The following ASGR1 variants were observed in gnomAD, a reference collection of about 807,000 sequenced individuals.
The protein encoded by ASGR1 is asialoglycoprotein receptor 1.
In ASGR1, 35 loss-of-function variants were observed where a neutral mutation model predicts 33.1. That is an observed-to-expected ratio of 1.06 (90% confidence interval 0.81 to 1.40). The LOEUF is 1.40. Among genes scored for constraint, ASGR1 ranks in the 40% most tolerant of loss-of-function variants. The probability of loss-of-function intolerance (pLI) is 0.00; values close to 1 mark genes in which losing one functional copy is unlikely to be tolerated. For missense variants in ASGR1, 396 were observed against 373.7 expected, an observed-to-expected ratio of 1.06 and a Z score of -0.49; for synonymous variants, 142 against 152.5, an observed-to-expected ratio of 0.93 and a Z score of 0.51.
rs759985795 is a variant in ASGR1 at position 7,176,967 on chromosome 17, C to T, written c.283+14G>A. The T allele has an allele frequency of 1.6e-5, 26 of 1,604,034 alleles. No individual in the cohort carries two copies. In the Admixed American group the frequency reaches 4.4e-4, roughly 27 times the overall value. On this transcript the variant is annotated intron_variant, in intron 4 of 8. Transcript: ENST00000269299. ...GCCCCAGCCCCAGCCCCAGCCCCGC[C>T]CCAGCGCCCTCACCCTGGGTGCTCA...
intron 2 of ASGR1, chr17:7,178,142 G>A: frequency 3.1e-6 from 1 of 318,236 alleles, no homozygotes; most frequent in Non-Finnish European, 6.1e-6. Flanking sequence ...TCGCACGACC[G>A]GGGTCCCTGG....
intron 2 of ASGR1, chr17:7,177,545 T>A (rs2069232810): frequency 1.9e-6 from 1 of 524,864 alleles, no homozygotes; most frequent in Admixed American, 3.4e-5. Context: ...AGCCGCCCCA[T>A]CCCACCGAGG....
chr17:7,176,720 TC>T, intron 5 of ASGR1, 109 bp downstream of exon 5: 5 of 1,430,994 alleles, frequency 3.5e-6, no homozygotes, highest in South Asian at 1.2e-5. Flanking sequence ...ACACACACAC[TC>T]CCTCTCATTC....
rs914079300 is a variant in ASGR1 at position 7,173,882 on chromosome 17, G to A, written c.702-49C>T. On this transcript the variant is annotated intron_variant, in intron 8 of 8. Coordinates refer to ENST00000269299, the MANE Select transcript of ASGR1 (RefSeq NM_001671.5). The surrounding 1 kb of genome is among the most constrained non-coding windows in gnomAD (Gnocchi z 4.7). Reference sequence around the variant, plus strand: ...CCCCAGGAGGTCGGATCCGCAGGCGGGTCGCTCCAGACTCCTCAGCCCAGG... The same window carrying A: ...CCCCAGGAGGTCGGATCCGCAGGCGAGTCGCTCCAGACTCCTCAGCCCAGG... 1 of 1,607,342 alleles carries A rather than the reference G, an allele frequency of 6.2e-7. No individual in the cohort carries two copies. The highest frequency in any genetic ancestry group is 8.5e-7 in the Non-Finnish European group (1 of 1,177,118).
chr17:7,176,543 TCA>T (rs2069213756), intron 5 of ASGR1: 9 of 415,236 alleles, frequency 2.2e-5, no homozygotes, highest in Non-Finnish European at 3.7e-5. Context: ...ACACACCATC[TCA>T]TTCTCACACA....
In ASGR1 at chr17:7,177,321, G is replaced by C; in HGVS notation, c.76C>G (p.Pro26Ala). The change falls in exon 3 of 9, where the codon CCT (proline) becomes GCT (alanine). Residue 26 changes from proline (P) to alanine (A), a missense_variant. Pro to Ala is a conservative substitution (Grantham distance 27). Transcript: ENST00000269299. ...CGCTGCAGGAGGGGCTGGGGAGGAG[G>C]TGGCCCTGCAAGAGGAGGGGGTGTC... The part of the protein sequence containing the change: ...SDHHQLRKGP[P>A]PPQPLLQRLC... 1 of 1,613,336 alleles carries C rather than the reference G, an allele frequency of 6.2e-7. No homozygotes were observed.
intron 2 of ASGR1, 67 bp downstream of exon 2, chr17:7,178,427 G>A: frequency 6.8e-7 from 1 of 1,479,216 alleles, no homozygotes; most frequent in Non-Finnish European, 9.5e-7. Context: ...AAGAGTAGGA[G>A]CTGTGGCTGG....
chr17:7,176,734 AC>A, intron 5 of ASGR1, 95 bp downstream of exon 5: 2 of 1,526,124 alleles, frequency 1.3e-6, no homozygotes, highest in Non-Finnish European at 1.8e-6. Context: ...TCTCATTCTC[AC>A]ACACATCCAC....
chr17:7,176,747 C>G, intron 5 of ASGR1, 83 bp downstream of exon 5: 1 of 1,558,576 alleles, frequency 6.4e-7, no homozygotes. Context: ...CACATCCACA[C>G]ACACTCACAC....
intron 5 of ASGR1, among the ~76,000 whole-genome samples, chr17:7,176,274 C>A (rs111072793): frequency 0.17 from 24,219 of 146,192 alleles, 2,238 homozygotes; most frequent in East Asian, 0.31. Flanking sequence ...CACTCACTCA[C>A]ACACCCCATC....
rs2069158090 is a variant in ASGR1 at position 7,173,494 on chromosome 17, G to A, written c.*165C>T. The A allele has an allele frequency of 9.5e-6, 9 of 943,116 alleles. No homozygotes were observed. The highest frequency in any genetic ancestry group is 1.4e-5 in the Non-Finnish European group (9 of 650,228). The allele number at this position is 943,116 out of a possible 1,614,324, so 58.4% of individuals were successfully genotyped here. A position where few individuals can be genotyped will look rare whatever the true frequency, so the allele number is the denominator to read the frequency against. On this transcript the variant is annotated 3_prime_UTR_variant, in exon 9 of 9. Coordinates refer to ENST00000269299, the MANE Select transcript of ASGR1 (RefSeq NM_001671.5). This position sits in a 1 kb window ranked among gnomAD's most constrained non-coding sequence, Gnocchi z 4.7. The stretch of plus-strand genomic sequence containing the variant: ...TCACAATGATAACCTGCAAACTGCA[G>A]AAAGCGCCACGGGTTTCAAGCTCCT...
chr17:7,174,174 G>T lies in ASGR1; in HGVS notation c.558C>A (p.Asp186Glu). The change falls in exon 7 of 9, where the codon GAC becomes GAA. Residue 186 changes from aspartate (D) to glutamate (E), a missense_variant. Asp to Glu is a conservative substitution (Grantham distance 45). Coordinates refer to ENST00000269299, the MANE Select transcript of ASGR1 (RefSeq NM_001671.5). ...AGGACGTGACCACCACCAGGTGCGC[G>T]TCCTCCAGCCGGCAGTAGTTGTCGG... ...ADADNYCRLE[D>E]AHLVVVTSWE... 1 of 1,614,130 alleles carries T rather than the reference G, an allele frequency of 6.2e-7. No homozygotes were observed. Among genetic ancestry groups the T allele is most frequent in the Non-Finnish European group, 8.5e-7 (1 of 1,180,008 alleles).
chr17:7,177,307 G>A lies in ASGR1; in HGVS notation c.90C>T (p.Pro30=). The change falls in exon 3 of 9, where the codon CCC becomes CCT. Residue 30 remains proline (P), a synonymous_variant. Coordinates refer to ENST00000269299, the MANE Select transcript of ASGR1 (RefSeq NM_001671.5). ...QLRKGPPPPQ[P]LLQRLCSGPR... Reference sequence around the variant, plus strand: ...GTCCGGAGCAGAGACGCTGCAGGAGGGGCTGGGGAGGAGGTGGCCCTGCAA... The same window carrying A: ...GTCCGGAGCAGAGACGCTGCAGGAGAGGCTGGGGAGGAGGTGGCCCTGCAA... The A allele has an allele frequency of 6.2e-7, 1 of 1,613,660 alleles. No individual in the cohort carries two copies.
At chr17:7,176,209 TCA>T (rs1270649890) in intron 5 of ASGR1, among the ~76,000 whole-genome samples, 7 of 128,514 alleles carry the variant, frequency 5.4e-5, no homozygotes, top group South Asian at 2.7e-4. Context: ...CATCTCATTC[TCA>T]CACTCACAAA....
In ASGR1 at chr17:7,177,094, C is replaced by G. The variant is rs754916419; in HGVS notation, c.188-18G>C. On this transcript the variant is annotated intron_variant, in intron 3 of 8. Coordinates refer to ENST00000269299, the MANE Select transcript of ASGR1 (RefSeq NM_001671.5). ...CTGGGAGTCTGGCCAGGACAGCGTG[C>G]AGAGAGAAGAAAACGGGATCGCTGT... 2.5e-6 allele frequency: 4 copies of G among 1,613,672 alleles called. No individual in the cohort carries two copies. Among genetic ancestry groups the G allele is most frequent in the Admixed American group, 3.3e-5 (2 of 59,984 alleles).
chr17:7,174,293 A>G lies in ASGR1; in HGVS notation c.443-4T>C. ...GGGCAGCAGGTCCTTTCTGAGCCTG[A>G]GCGGGAGAAACGGGGCGCAGGGGCT... On this transcript the variant is annotated splice_region_variant and splice_polypyrimidine_tract_variant and intron_variant, in intron 6 of 8. Transcript: ENST00000269299. 5 of 1,613,740 alleles carry G rather than the reference A, an allele frequency of 3.1e-6. No individual in the cohort carries two copies. The highest frequency in any genetic ancestry group is 4.2e-6 in the Non-Finnish European group (5 of 1,179,812).
In ASGR1 at chr17:7,174,209, A is replaced by G. The variant is rs1054460959; in HGVS notation, c.523T>C (p.Trp175Arg). 1.9e-6 allele frequency: 3 copies of G among 1,614,090 alleles called. No individual in the cohort carries two copies. Among genetic ancestry groups the G allele is most frequent in the Non-Finnish European group, 2.5e-6 (3 of 1,180,038 alleles). ...CGGCAGTAGTTGTCGGCGTCAGCCC[A>G]GGCCTTCCCGGAGCGAGAGAACCAG... is the stretch of plus-strand genomic sequence containing the variant. ...CYWFSRSGKA[W>R]ADADNYCRLE... The change falls in exon 7 of 9, where the codon TGG becomes CGG. Residue 175 changes from tryptophan (W) to arginine (R), a missense_variant. By Grantham distance (101) the Trp-to-Arg change is moderately radical. Transcript: ENST00000269299.
At chr17:7,174,108 G>C in intron 7 of ASGR1, 30 bp downstream of exon 7, 1 of 1,614,078 alleles carries the variant, frequency 6.2e-7, no homozygotes, top group Non-Finnish European at 8.5e-7. Context: ...TCCGAGGCCA[G>C]CCAGCCTCCC....
intron 5 of ASGR1, among the ~76,000 whole-genome samples, chr17:7,176,451 T>A (rs1474704630): frequency 7.2e-6 from 1 of 138,100 alleles, no homozygotes; most frequent in Admixed American, 7.2e-5. Context: ...TCACACACAC[T>A]CCCTCTCATT....
Sources: allele counts gnomAD v4.1 joint callset (sites outside exome capture counted in the v4.1 genomes callset), GRCh38; gene constraint gnomAD v4.1.1; non-coding constraint Gnocchi (gnomAD v3.1); transcripts MANE v1.5; gene names NCBI Gene and HGNC (gene_info 2026-07-23, HGNC 2026-07-21).